SNTG1: variants seen among roughly 807,000 people sequenced by gnomAD.
The protein encoded by SNTG1 is syntrophin gamma 1.
In SNTG1, 39 loss-of-function variants were observed where a neutral mutation model predicts 74.7. The observed-to-expected ratio is 0.52, with a 90% CI of 0.40 to 0.68. The LOEUF (loss-of-function observed/expected upper bound fraction) is 0.68, where lower values mean the gene tolerates loss of function less well. SNTG1 is among the 30% of genes least tolerant of loss of function. The pLI, the probability that SNTG1 is intolerant of heterozygous loss-of-function variation, is 0.00. For missense variants in SNTG1, 685 were observed against 609.5 expected, an observed-to-expected ratio of 1.12 and a Z score of -1.30; for synonymous variants, 254 against 217.1, an observed-to-expected ratio of 1.17 and a Z score of -1.49.
chr8:50,222,019 G>A (rs2085095134), intron 2 of SNTG1, among the ~76,000 whole-genome samples: 2 of 152,210 alleles, frequency 1.3e-5, no homozygotes, highest in African/African-American at 4.8e-5. Context: ...TGCAATCTTA[G>A]GGGTGCAGAA....
chr8:50,625,345 T>C (rs543164087), intron 13 of SNTG1, among the ~76,000 whole-genome samples: 2 of 152,326 alleles, frequency 1.3e-5, no homozygotes, highest in African/African-American at 2.4e-5. Flanking sequence ...ACTTCCCTTT[T>C]TGTAAGCACT....
chr8:50,177,726 C>T (rs537122629), intron 2 of SNTG1, among the ~76,000 whole-genome samples: 1 of 152,320 alleles, frequency 6.6e-6, no homozygotes, highest in East Asian at 1.9e-4. Flanking sequence ...ACCTCTTTAA[C>T]ACTTGTTTAA....
chr8:50,182,497 G>T (rs895179541), intron 2 of SNTG1, among the ~76,000 whole-genome samples: 7 of 152,062 alleles, frequency 4.6e-5, no homozygotes, highest in Non-Finnish European at 8.8e-5. Flanking sequence ...ATAGGTACAA[G>T]ATGCATGTTA....
At chr8:50,266,384 G>C (rs2087467579) in intron 2 of SNTG1, among the ~76,000 whole-genome samples, 1 of 151,880 alleles carries the variant, frequency 6.6e-6, no homozygotes, top group Non-Finnish European at 1.5e-5. Context: ...TTATACGTAA[G>C]CAAATGAATG....
At chr8:49,925,932 A>T (rs1190080961) in intron 1 of SNTG1, among the ~76,000 whole-genome samples, 1 of 152,182 alleles carries the variant, frequency 6.6e-6, no homozygotes, top group Non-Finnish European at 1.5e-5. Flanking sequence ...AGAGAACTGG[A>T]ATATCTCCCT....
intron 8 of SNTG1, among the ~76,000 whole-genome samples, chr8:50,484,520 T>G (rs1010061663): frequency 1.3e-5 from 2 of 151,544 alleles, no homozygotes; most frequent in African/African-American, 4.8e-5. Context: ...CAACCTGGAT[T>G]TTCTTGATAT....
chr8:50,341,839 A>G (rs532941002), intron 2 of SNTG1, among the ~76,000 whole-genome samples: 57 of 152,062 alleles, frequency 3.7e-4, no homozygotes, highest in Non-Finnish European at 6.9e-4. Flanking sequence ...ATTATCACTG[A>G]AGAATAATAA....
chr8:50,783,713 G>T (rs908417884), intron 18 of SNTG1, among the ~76,000 whole-genome samples: 3 of 152,124 alleles, frequency 2.0e-5, no homozygotes, highest in Non-Finnish European at 2.9e-5. Context: ...AGTGTCCTGC[G>T]CCCACTGTCT....
At chr8:50,321,742 CTT>C (rs34892298) in intron 2 of SNTG1, among the ~76,000 whole-genome samples, 71,731 of 151,676 alleles carry the variant, frequency 0.47, 19,330 homozygotes, top group East Asian at 0.83. Flanking sequence ...TATCTTATAA[CTT>C]ATTATTTTAA....
chr8:50,482,809 C>T (rs1260349018), intron 8 of SNTG1, among the ~76,000 whole-genome samples: 1 of 152,126 alleles, frequency 6.6e-6, no homozygotes, highest in Non-Finnish European at 1.5e-5. Flanking sequence ...GTACTCCTTA[C>T]CTGGAGGTTT....
chr8:50,624,699 C>T (rs778304734), intron 13 of SNTG1, among the ~76,000 whole-genome samples: 13 of 152,116 alleles, frequency 8.5e-5, no homozygotes, highest in Admixed American at 1.3e-4. Flanking sequence ...TTAACATCAC[C>T]GTCTTTCAAG....
chr8:50,160,642 A>ATC (rs10644999), intron 1 of SNTG1, among the ~76,000 whole-genome samples: 1 of 151,746 alleles, frequency 6.6e-6, no homozygotes, highest in Non-Finnish European at 1.5e-5. Context: ...GTGATTTGTG[A>ATC]TCTGAGTCAT....
intron 2 of SNTG1, among the ~76,000 whole-genome samples, chr8:50,338,705 A>T (rs2091229043): frequency 6.6e-6 from 1 of 152,194 alleles, no homozygotes; most frequent in Non-Finnish European, 1.5e-5. Context: ...GCTTGAAGAT[A>T]CGTCTATGGA....
At chr8:50,009,694 A>T (rs1815582084) in intron 1 of SNTG1, among the ~76,000 whole-genome samples, 1 of 152,178 alleles carries the variant, frequency 6.6e-6, no homozygotes, top group South Asian at 2.1e-4. Context: ...AGTATTATTT[A>T]GTCAAATAAT....
chr8:50,364,515 A>T (rs1232394571), intron 2 of SNTG1, among the ~76,000 whole-genome samples: 1 of 152,146 alleles, frequency 6.6e-6, no homozygotes, highest in Non-Finnish European at 1.5e-5. Flanking sequence ...GGGTGAGAAC[A>T]ACTTTAGTTT....
At chr8:50,373,401 C>T (rs554214643) in intron 2 of SNTG1, among the ~76,000 whole-genome samples, 12 of 152,090 alleles carry the variant, frequency 7.9e-5, no homozygotes, top group Non-Finnish European at 1.3e-4. Context: ...TCAAACAGCT[C>T]TCCATATTAA....
chr8:49,960,053 G>A (rs758496882), intron 1 of SNTG1, among the ~76,000 whole-genome samples: 6 of 152,150 alleles, frequency 3.9e-5, no homozygotes, highest in South Asian at 2.1e-4. Flanking sequence ...TTCTTTTACC[G>A]TGCATTGTAA....
At chr8:50,381,558 ATG>A (rs372674229) in intron 2 of SNTG1, among the ~76,000 whole-genome samples, 32,273 of 108,352 alleles carry the variant, frequency 0.3, 5,577 homozygotes, top group East Asian at 0.57. Context: ...CTAATAGGAT[ATG>A]TGTGTGTGTG....
intron 13 of SNTG1, among the ~76,000 whole-genome samples, chr8:50,614,471 A>T (rs1249403444): frequency 1.3e-5 from 2 of 149,618 alleles, no homozygotes; most frequent in Non-Finnish European, 2.9e-5. Context: ...ACTTTATCTA[A>T]AAAAAAGAAA....
Sources: allele counts gnomAD v4.1 joint callset (sites outside exome capture counted in the v4.1 genomes callset), GRCh38; gene constraint gnomAD v4.1.1; transcripts MANE v1.5; gene names NCBI Gene and HGNC (gene_info 2026-07-23, HGNC 2026-07-21).